Variants in GALNTL6 observed in about 807,000 individuals in gnomAD.
GALNTL6 encodes polypeptide N-acetylgalactosaminyltransferase like 6, also known as polypeptide N-acetylgalactosaminyltransferase-like 6.
GALNTL6 carries 46 observed loss-of-function variants against 73.7 expected under a neutral mutation model. That is an observed-to-expected ratio of 0.62 (90% CI 0.49 to 0.80). The LOEUF is 0.80. Among genes scored for constraint, GALNTL6 ranks in the 30% least tolerant of loss-of-function variants. The pLI, the probability that GALNTL6 is intolerant of heterozygous loss-of-function variation, is 0.00. For synonymous variants in GALNTL6, 259 were observed against 263.7 expected, an observed-to-expected ratio of 0.98 and a Z score of 0.17; for missense variants, 604 against 755.0, an observed-to-expected ratio of 0.80 and a Z score of 2.34.
At chr4:171,953,489 C>T (rs1366819403) in intron 2 of GALNTL6, among the ~76,000 whole-genome samples, 1 of 152,026 alleles carries the variant, frequency 6.6e-6, no homozygotes, top group Admixed American at 6.6e-5. Flanking sequence ...AGAGATGAAA[C>T]ATTCAATAAG....
intron 5 of GALNTL6, among the ~76,000 whole-genome samples, chr4:172,690,494 A>C (rs2111256421): frequency 6.6e-6 from 1 of 152,288 alleles, no homozygotes; most frequent in African/African-American, 2.4e-5. Flanking sequence ...TGCCTAATAA[A>C]CATACAACAA....
intron 5 of GALNTL6, among the ~76,000 whole-genome samples, chr4:172,727,944 G>A (rs939278876): frequency 2.0e-5 from 3 of 150,910 alleles, no homozygotes; most frequent in African/African-American, 4.9e-5. Context: ...ACAGAGTCTC[G>A]CTGTATCACC....
intron 5 of GALNTL6, among the ~76,000 whole-genome samples, chr4:172,596,460 G>GAAAA (rs35054572): frequency 1.1e-4 from 15 of 140,438 alleles, no homozygotes; most frequent in African/African-American, 3.7e-4. Context: ...AAAAAAAAAA[G>GAAAA]AAAAAAAAAA....
chr4:172,570,758 T>G (rs1339468506), intron 5 of GALNTL6, among the ~76,000 whole-genome samples: 1 of 152,148 alleles, frequency 6.6e-6, no homozygotes, highest in Admixed American at 6.5e-5. Flanking sequence ...ATTATTATAT[T>G]GTAATATATA....
chr4:172,910,126 T>C lies in GALNTL6; in HGVS notation c.1042-21035T>C, dbSNP rs145476127. On this transcript the variant is annotated intron_variant, in intron 8 of 12. Coordinates refer to ENST00000506823, the MANE Select transcript of GALNTL6 (RefSeq NM_001034845.3). The stretch of plus-strand genomic sequence containing the variant: ...AACATATATAGTATATGTGAACATA[T>C]TTATAAGACAAAATTAAAATAGTTT... Among the ~76,000 whole-genome samples the C allele has an allele frequency of 1.7e-4, 26 of 152,028 alleles. No homozygotes were observed. In the East Asian group the frequency reaches 4.0e-3, roughly 24 times the overall value.
At chr4:171,925,988 T>C (rs1173479178) in intron 2 of GALNTL6, among the ~76,000 whole-genome samples, 1 of 145,202 alleles carries the variant, frequency 6.9e-6, no homozygotes, top group East Asian at 2.0e-4. Context: ...TTATGAGGCA[T>C]CTGAAATTTT....
At chr4:172,384,397 G>A (rs542501735) in intron 5 of GALNTL6, among the ~76,000 whole-genome samples, 59 of 152,042 alleles carry the variant, frequency 3.9e-4, no homozygotes, top group African/African-American at 1.4e-3. Flanking sequence ...GACCACAGTA[G>A]TTCATAGTAT....
At chr4:172,132,853 C>T (rs1012488195) in intron 2 of GALNTL6, among the ~76,000 whole-genome samples, 1 of 152,070 alleles carries the variant, frequency 6.6e-6, no homozygotes, top group Admixed American at 6.6e-5. Flanking sequence ...CTTTAAGTAT[C>T]TTTTTTCCCC....
At chr4:171,883,811 C>T (rs944369023) in intron 2 of GALNTL6, among the ~76,000 whole-genome samples, 1 of 151,936 alleles carries the variant, frequency 6.6e-6, no homozygotes, top group African/African-American at 2.4e-5. Context: ...CCACACCTGG[C>T]TAATTTTTTG....
At chr4:172,496,077 C>T (rs918467721) in intron 5 of GALNTL6, among the ~76,000 whole-genome samples, 11 of 152,168 alleles carry the variant, frequency 7.2e-5, no homozygotes, top group African/African-American at 2.7e-4. Flanking sequence ...GTAACTTCCA[C>T]GGATCTGAAT....
intron 3 of GALNTL6, among the ~76,000 whole-genome samples, chr4:172,306,988 C>A (rs1435524505): frequency 6.6e-6 from 1 of 152,070 alleles, no homozygotes; most frequent in East Asian, 1.9e-4. Context: ...CAGTAGAGGG[C>A]TTGTGAATCA....
At chr4:172,916,464 T>G (rs1270764068) in intron 8 of GALNTL6, among the ~76,000 whole-genome samples, 16 of 152,172 alleles carry the variant, frequency 1.1e-4, no homozygotes, top group Non-Finnish European at 2.1e-4. Context: ...ATTGTCTCTG[T>G]TTGCAGATGA....
At chr4:172,090,130 T>C (rs1732159625) in intron 2 of GALNTL6, among the ~76,000 whole-genome samples, 1 of 152,192 alleles carries the variant, frequency 6.6e-6, no homozygotes, top group African/African-American at 2.4e-5. Context: ...TTCCAAGTCT[T>C]TGCTATTGTG....
At chr4:171,995,810 A>G (rs1740469198) in intron 2 of GALNTL6, among the ~76,000 whole-genome samples, 1 of 152,118 alleles carries the variant, frequency 6.6e-6, no homozygotes, top group Non-Finnish European at 1.5e-5. Flanking sequence ...CCAAAATATT[A>G]TGTTGGTAGT....
chr4:172,691,264 A>C lies in GALNTL6; in HGVS notation c.554-118097A>C, dbSNP rs533230366. ...CAAGAAAACATGAATATCTGGACAG[A>C]GGGTTCATGGGGAGAACCATAGGAA... is the stretch of plus-strand genomic sequence containing the variant. On this transcript the variant is annotated intron_variant, in intron 5 of 12. Transcript: ENST00000506823. 1.1e-4 allele frequency among the ~76,000 whole-genome samples: 17 copies of C among 152,326 alleles called. No homozygotes were observed. The East Asian group carries it at 3.3e-3, about 29-fold the overall frequency.
intron 10 of GALNTL6, among the ~76,000 whole-genome samples, chr4:172,974,210 G>A (rs1015442144): frequency 2.4e-4 from 37 of 152,068 alleles, no homozygotes; most frequent in Non-Finnish European, 5.0e-4. Flanking sequence ...TTCATTCAAA[G>A]TTTATATTTA....
At chr4:173,012,806 C>T (rs1396455258) in intron 11 of GALNTL6, among the ~76,000 whole-genome samples, 1 of 152,174 alleles carries the variant, frequency 6.6e-6, no homozygotes, top group African/African-American at 2.4e-5. Context: ...TATCTGTTCC[C>T]AGCATAGTCA....
At position 172,170,541 on chromosome 4, in the gene GALNTL6, G is replaced by A. The variant is rs144223511; in HGVS notation, c.139-59115G>A. Among the ~76,000 whole-genome samples, 7 of 131,810 alleles carry A rather than the reference G, an allele frequency of 5.3e-5. No homozygotes were observed. The East Asian group carries it at 6.5e-4, about 12-fold the overall frequency. The allele number at this position is 131,810 out of a possible 152,430, so 86.5% of individuals were successfully genotyped here. On this transcript the variant is annotated intron_variant, in intron 2 of 12. Transcript: ENST00000506823. Reference sequence around the variant, plus strand: ...TTTTTTTTTTTTGAGACAGAGTCTCGCTCTGTCACCCAGTCTAGAGTGTAG... The same window carrying A: ...TTTTTTTTTTTTGAGACAGAGTCTCACTCTGTCACCCAGTCTAGAGTGTAG...
At chr4:172,011,626 T>G (rs1560884069) in intron 2 of GALNTL6, among the ~76,000 whole-genome samples, 3 of 152,054 alleles carry the variant, frequency 2.0e-5, no homozygotes, top group African/African-American at 7.2e-5. Flanking sequence ...ATGTTATATG[T>G]GATAAAATCA....
Sources: gnomAD v4.1 joint callset for allele counts (sites outside exome capture counted in the v4.1 genomes callset) on GRCh38, gnomAD v4.1.1 for gene constraint, MANE v1.5 for transcripts, NCBI Gene and HGNC (gene_info 2026-07-23, HGNC 2026-07-21) for gene names.